The following NRXN3 variants were observed in gnomAD, a reference collection of about 807,000 sequenced individuals.
NRXN3 encodes the protein neurexin 3.
In NRXN3, 32 loss-of-function variants were observed where a neutral mutation model predicts 137.6. The observed-to-expected ratio is 0.23, with a 90% CI of 0.18 to 0.31. The LOEUF is 0.31. Among genes scored for constraint, NRXN3 ranks in the 10% least tolerant of loss-of-function variants. The pLI is 1.00. For synonymous variants in NRXN3, 798 were observed against 784.5 expected, an observed-to-expected ratio of 1.02 and a Z score of -0.29; for missense variants, 1,574 against 2,062.5, an observed-to-expected ratio of 0.76 and a Z score of 4.59.
In NRXN3 at chr14:79,356,283, T is replaced by C. The variant is rs193288009; in HGVS notation, c.3263-110938T>C. On this transcript the variant is annotated intron_variant, in intron 15 of 20. Coordinates refer to ENST00000335750, the MANE Select transcript of NRXN3 (RefSeq NM_001330195.2). ...CTCTTGCTGTCTTTTGTTTGGAGTA[T>C]GTGTGGGGGTGTGTTATTTATGCAG... 6.1e-3 allele frequency among the ~76,000 whole-genome samples: 933 copies of C among 152,248 alleles called. 7 individuals carry two copies. Among genetic ancestry groups the C allele is most frequent in the Non-Finnish European group, 6.9e-3 (468 of 68,018 alleles).
intron 4 of NRXN3, among the ~76,000 whole-genome samples, chr14:78,539,634 T>A (rs1407686923): frequency 6.6e-6 from 1 of 152,198 alleles, no homozygotes; most frequent in Non-Finnish European, 1.5e-5. Flanking sequence ...ATCTTACTTA[T>A]CTCTTGCCTT....
At chr14:79,059,397 A>G (rs1333583094) in intron 15 of NRXN3, among the ~76,000 whole-genome samples, 3 of 151,828 alleles carry the variant, frequency 2.0e-5, no homozygotes, top group East Asian at 3.9e-4. Context: ...AGCTGAGACT[A>G]CAGGCGCCCG....
chr14:78,578,046 G>A (rs2096954560), intron 4 of NRXN3, among the ~76,000 whole-genome samples: 1 of 150,840 alleles, frequency 6.6e-6, no homozygotes, highest in East Asian at 1.9e-4. Flanking sequence ...CTATGTAAAT[G>A]TATATATATA....
At chr14:79,820,564 T>C (rs2099268557) in intron 20 of NRXN3, among the ~76,000 whole-genome samples, 1 of 152,206 alleles carries the variant, frequency 6.6e-6, no homozygotes, top group African/African-American at 2.4e-5. Context: ...TTGTTACCTA[T>C]GTAAACATAT....
At chr14:79,349,024 T>C (rs983540497) in intron 15 of NRXN3, among the ~76,000 whole-genome samples, 28 of 152,204 alleles carry the variant, frequency 1.8e-4, no homozygotes, top group Admixed American at 1.8e-3. Flanking sequence ...TACTGTTTGA[T>C]GTGGCAAATC....
chr14:79,818,050 T>G (rs954054040), intron 20 of NRXN3, among the ~76,000 whole-genome samples: 3 of 134,004 alleles, frequency 2.2e-5, no homozygotes, highest in South Asian at 2.8e-4. Context: ...ACTTGGGTTT[T>G]TTTTTTTTTT....
chr14:79,356,175 T>TA (rs1339658265), intron 15 of NRXN3, among the ~76,000 whole-genome samples: 1 of 152,234 alleles, frequency 6.6e-6, no homozygotes, highest in Non-Finnish European at 1.5e-5. Context: ...TATCCTAATG[T>TA]AAAACCAGGT....
intron 10 of NRXN3, among the ~76,000 whole-genome samples, chr14:78,882,149 A>T (rs901058610): frequency 6.6e-6 from 1 of 151,880 alleles, no homozygotes; most frequent in Non-Finnish European, 1.5e-5. Context: ...CAGAGGATGT[A>T]TGGAAACACC....
intron 4 of NRXN3, among the ~76,000 whole-genome samples, chr14:78,476,689 ATTAG>A (rs2095384543): frequency 2.6e-5 from 4 of 152,276 alleles, no homozygotes. Context: ...TCTTCCTGTA[ATTAG>A]TTCTCTTTTC....
At chr14:78,351,178 A>T (rs1477249005) in intron 4 of NRXN3, among the ~76,000 whole-genome samples, 2 of 152,136 alleles carry the variant, frequency 1.3e-5, no homozygotes, top group African/African-American at 4.8e-5. Flanking sequence ...CATAGTGTTG[A>T]TATGTTTAGC....
At chr14:78,534,763 A>G (rs1488235791) in intron 4 of NRXN3, among the ~76,000 whole-genome samples, 2 of 152,210 alleles carry the variant, frequency 1.3e-5, no homozygotes, top group Non-Finnish European at 2.9e-5. Flanking sequence ...AAAAGGTAGC[A>G]CTTTGGTATT....
At chr14:79,307,407 T>A (rs2086281229) in intron 15 of NRXN3, among the ~76,000 whole-genome samples, 1 of 152,170 alleles carries the variant, frequency 6.6e-6, no homozygotes, top group Admixed American at 6.5e-5. Flanking sequence ...GAGTTCATTC[T>A]GATTTTATGA....
intron 15 of NRXN3, among the ~76,000 whole-genome samples, chr14:79,243,806 A>T (rs2074712518): frequency 6.6e-6 from 1 of 152,142 alleles, no homozygotes. Flanking sequence ...CTATGGGACC[A>T]TGATCATATA....
intron 15 of NRXN3, among the ~76,000 whole-genome samples, chr14:79,259,008 G>A (rs1338922620): frequency 1.3e-5 from 2 of 152,200 alleles, no homozygotes; most frequent in Non-Finnish European, 2.9e-5. Flanking sequence ...GAGAGACAGT[G>A]TGGTCATGGG....
chr14:78,648,352 C>G (rs1428413849), intron 5 of NRXN3, among the ~76,000 whole-genome samples: 4 of 152,150 alleles, frequency 2.6e-5, no homozygotes, highest in Non-Finnish European at 4.4e-5. Context: ...TTCCAGTCTT[C>G]CAGAGGGTTT....
At chr14:78,641,875 T>C (rs758792422) in intron 4 of NRXN3, among the ~76,000 whole-genome samples, 1 of 152,206 alleles carries the variant, frequency 6.6e-6, no homozygotes, top group Non-Finnish European at 1.5e-5. Context: ...TCACGTTGGT[T>C]TTAGTTCTTA....
At chr14:78,891,402 A>G (rs1156554460) in intron 10 of NRXN3, among the ~76,000 whole-genome samples, 1 of 151,950 alleles carries the variant, frequency 6.6e-6, no homozygotes, top group Non-Finnish European at 1.5e-5. Flanking sequence ...CTGTGTTTTT[A>G]TGCATTACTG....
intron 4 of NRXN3, among the ~76,000 whole-genome samples, chr14:78,352,784 C>CG (rs1322195499): frequency 6.6e-6 from 1 of 152,166 alleles, no homozygotes; most frequent in Non-Finnish European, 1.5e-5. Context: ...GCAGAGAGCA[C>CG]GGCTATCAGC....
At chr14:79,762,217 G>A (rs572766568) in intron 19 of NRXN3, among the ~76,000 whole-genome samples, 9 of 151,656 alleles carry the variant, frequency 5.9e-5, no homozygotes, top group Non-Finnish European at 1.0e-4. Context: ...CTAGCACTAC[G>A]AAATCAAGCA....
Sources: gnomAD v4.1 joint callset for allele counts (sites outside exome capture counted in the v4.1 genomes callset) on GRCh38, gnomAD v4.1.1 for gene constraint, MANE v1.5 for transcripts, NCBI Gene and HGNC (gene_info 2026-07-23, HGNC 2026-07-21) for gene names.